Variants in TMEM259 observed in about 807,000 individuals in gnomAD.
TMEM259 encodes transmembrane protein 259.
TMEM259 carries 26 observed loss-of-function variants against 46.7 expected under a neutral mutation model. The ratio of observed to expected loss-of-function variants is 0.56; its 90% CI spans 0.41 to 0.77. TMEM259 has a LOEUF of 0.77. Among genes scored for constraint, TMEM259 ranks in the 30% least tolerant of loss-of-function variants. TMEM259 has a pLI of 0.00. For missense variants in TMEM259, 930 were observed against 900.5 expected, an observed-to-expected ratio of 1.03 and a Z score of -0.42; for synonymous variants, 494 against 395.1, an observed-to-expected ratio of 1.25 and a Z score of -2.97.
intron 1 of TMEM259, among the ~76,000 whole-genome samples, chr19:1,016,859 A>G (rs767161143): frequency 3.3e-5 from 5 of 152,158 alleles, no homozygotes; most frequent in Non-Finnish European, 5.9e-5. Context: ...CCGTCCCATG[A>G]AGACAGCGGA....
In TMEM259 at chr19:1,012,484, G is replaced by T; in HGVS notation, c.697C>A (p.Pro233Thr). The change falls in exon 4 of 11, where the codon CCC becomes ACC. Residue 233 changes from proline to threonine, a missense_variant. Physicochemically the swap from Pro to Thr is conservative, Grantham distance 38. Transcript: ENST00000356663. ...TCACCCAGGGTGACCACCATGACGG[G>T]GATGCTCAGGCGCTGGCGGGTGGCC... ...SQATRQRLSI[P>T]VMVVTLDPTR... is the part of the protein sequence containing the mutation. The T allele has an allele frequency of 6.2e-7, 1 of 1,605,980 alleles. No individual in the cohort carries two copies. Among genetic ancestry groups the T allele is most frequent in the Non-Finnish European group, 8.5e-7 (1 of 1,177,584 alleles).
chr19:1,011,218 CG>C, intron 9 of TMEM259, 23 bp from the exon 10 acceptor site: 6 of 1,562,908 alleles, frequency 3.8e-6, no homozygotes, highest in Non-Finnish European at 5.2e-6. Context: ...GTGAGGGCGT[CG>C]GGGCTGCAGG....
rs1290326713 is a variant in TMEM259 at position 1,020,775 on chromosome 19, G to C, written c.222C>G (p.Leu74=). The change falls in exon 1 of 11, where the codon CTC becomes CTG. Residue 74 remains leucine (L), a synonymous_variant. Coordinates refer to ENST00000356663, the MANE Select transcript of TMEM259 (RefSeq NM_001033026.2). This position sits in a 1 kb window ranked among gnomAD's most constrained non-coding sequence, Gnocchi z 4.0. ...FRRLFEFFVL[L]KALFVLFVLA... ...CGGGGGTCGGGGCCGCGGTCACCTT[G>C]AGCAGCACGAAGAACTCGAAGAGAC... 1.5e-6 allele frequency: 2 copies of C among 1,339,244 alleles called. No homozygotes were observed. Among genetic ancestry groups the C allele is most frequent in the Non-Finnish European group, 1.9e-6 (2 of 1,040,368 alleles). The allele number at this position is 1,339,244 out of a possible 1,614,324, so 83.0% of individuals were successfully genotyped here.
In TMEM259 at chr19:1,014,303, G is replaced by T; in HGVS notation, c.396C>A (p.Gly132=). The change falls in exon 2 of 11, where the codon GGC becomes GGA. Residue 132 remains glycine (G), a synonymous_variant. Coordinates refer to ENST00000356663, the MANE Select transcript of TMEM259 (RefSeq NM_001033026.2). ...CCAGGCCCGGGAAGCTCCCGCGGCC[G>T]CCGCTGTCACAGAACTGTAGGAAGA... ...APVFLQFCDS[G]GRGSFPGLAV... The T allele has an allele frequency of 6.2e-7, 1 of 1,613,050 alleles. No homozygotes were observed. Among genetic ancestry groups the T allele is most frequent in the Non-Finnish European group, 8.5e-7 (1 of 1,179,874 alleles).
Position 1,020,901 on chromosome 19 carries a change from G to A in TMEM259, c.96C>T (p.Leu32=), listed in dbSNP as rs1365171921. 1.6e-6 allele frequency: 2 copies of A among 1,289,316 alleles called. No homozygotes were observed. Among genetic ancestry groups the A allele is most frequent in the Non-Finnish European group, 2.0e-6 (2 of 1,016,232 alleles). 79.9% of individuals were successfully genotyped at this position (1,289,316 alleles called of 1,614,324 possible). ...GCACGTTGATGAGGGGGTTGGGGTT[G>A]AGATTGGGGGTGCGAGGCCCGCGCG... ...APARGPRTPN[L]NPNPLINVRD... Residue 32 remains leucine (L), a synonymous_variant, in exon 1 of 11, where the codon CTC becomes CTT. Transcript: ENST00000356663. The surrounding 1 kb of genome is among the most constrained non-coding windows in gnomAD (Gnocchi z 4.0).
Position 1,010,999 on chromosome 19 carries a change from G to C in TMEM259, c.1317+97C>G, listed in dbSNP as rs539453218. On this transcript the variant is annotated intron_variant, in intron 10 of 10. Coordinates refer to ENST00000356663, the MANE Select transcript of TMEM259 (RefSeq NM_001033026.2). The stretch of plus-strand genomic sequence containing the variant: ...GGGACCATCCACGCTACCTCTGCCC[G>C]CTTGGGCCGACCCCACAGGGCATCC... 5 of 1,543,008 alleles carry C rather than the reference G, an allele frequency of 3.2e-6. No individual in the cohort carries two copies. The African/African-American group carries it at 5.5e-5, about 17-fold the overall frequency.
Position 1,012,171 on chromosome 19 carries a change from A to C in TMEM259, c.736T>G (p.Cys246Gly), listed in dbSNP as rs775945585. Reference sequence around the variant, plus strand: ...AGGCGGCTGAAGCGGTCCCCGAAGCACTGGTCCCGCGTGGGGTCTGCGGGT... The same window carrying C: ...AGGCGGCTGAAGCGGTCCCCGAAGCCCTGGTCCCGCGTGGGGTCTGCGGGT... ...VVTLDPTRDQ[C>G]FGDRFSRLLL... Residue 246 changes from cysteine to glycine, a missense_variant, in exon 5 of 11, where the codon TGC (cysteine) becomes GGC (glycine). By Grantham distance (159) the Cys-to-Gly change is radical. Coordinates refer to ENST00000356663, the MANE Select transcript of TMEM259 (RefSeq NM_001033026.2). 6.2e-7 allele frequency: 1 copy of C among 1,604,432 alleles called. No homozygotes were observed. Among genetic ancestry groups the C allele is most frequent in the South Asian group, 1.1e-5 (1 of 89,758 alleles).
At position 1,010,131 on chromosome 19, in the gene TMEM259, G is replaced by A. The variant is rs1235982697; in HGVS notation, c.*219C>T. On this transcript the variant is annotated 3_prime_UTR_variant, in exon 11 of 11. Transcript: ENST00000356663. ...CGGAACCCCACCCCCTCTCCTTGCT[G>A]ACCAGCTCAAACACCTCACTAGCGG... 3.9e-6 allele frequency: 2 copies of A among 515,318 alleles called. No individual in the cohort carries two copies. Among genetic ancestry groups the A allele is most frequent in the Non-Finnish European group, 6.7e-6 (2 of 298,452 alleles). The allele number at this position is 515,318 out of a possible 1,614,324, so 31.9% of individuals were successfully genotyped here. A position where few individuals can be genotyped will look rare whatever the true frequency, so the allele number is the denominator to read the frequency against.
At chr19:1,015,704 C>T (rs1196465124) in intron 1 of TMEM259, among the ~76,000 whole-genome samples, 2 of 152,204 alleles carry the variant, frequency 1.3e-5, no homozygotes, top group Admixed American at 6.5e-5. Flanking sequence ...AGCCAGAGAG[C>T]CTGGAGCACA....
Position 1,010,255 on chromosome 19 carries a change from C to G in TMEM259, c.*95G>C. On this transcript the variant is annotated 3_prime_UTR_variant, in exon 11 of 11. Transcript: ENST00000356663. The stretch of plus-strand genomic sequence containing the variant: ...AAGCCCCCGACACAGGCTGGGCAGT[C>G]CCAGAGGAAGGAGGTGGCTGGCCTC... 8.4e-7 allele frequency: 1 copy of G among 1,195,364 alleles called. No individual in the cohort carries two copies. Among genetic ancestry groups the G allele is most frequent in the Non-Finnish European group, 1.1e-6 (1 of 901,014 alleles). 74.0% of individuals were successfully genotyped at this position (1,195,364 alleles called of 1,614,324 possible). A position where few individuals can be genotyped will look rare whatever the true frequency, so the allele number is the denominator to read the frequency against.
In TMEM259 at chr19:1,010,694, G is replaced by A; in HGVS notation, c.1519C>T (p.Pro507Ser). Residue 507 changes from proline (P) to serine (S), a missense_variant, in exon 11 of 11, where the codon CCT becomes TCT. Physicochemically the swap from Pro to Ser is moderately conservative, Grantham distance 74 (BLOSUM62 -1). Coordinates refer to ENST00000356663, the MANE Select transcript of TMEM259 (RefSeq NM_001033026.2). ...GGCCCGGGACTCCCGCTGGCCCCAGGCGAGACGGGGCCCAGGGCGGGGGGC... is the reference window on the plus strand; with the variant it reads ...GGCCCGGGACTCCCGCTGGCCCCAGACGAGACGGGGCCCAGGGCGGGGGGC... Reference protein sequence around the residue: ...GQPPALGPVSPGASGSPGPVA... With the variant: ...GQPPALGPVSSGASGSPGPVA... The A allele has an allele frequency of 3.9e-6, 6 of 1,530,140 alleles. No homozygotes were observed. Among genetic ancestry groups the A allele is most frequent in the Non-Finnish European group, 5.2e-6 (6 of 1,144,438 alleles). 94.8% of individuals were successfully genotyped at this position (1,530,140 alleles called of 1,614,324 possible). A position where few individuals can be genotyped will look rare whatever the true frequency, so the allele number is the denominator to read the frequency against.
Position 1,020,706 on chromosome 19 carries a change from A to T in TMEM259, c.225+66T>A. Reference sequence around the variant, plus strand: ...CAGCGGGGCCAGGGGTCGCGGTCGGAGGTAGCAGACTTGGGGGTCGGGACA... The same window carrying T: ...CAGCGGGGCCAGGGGTCGCGGTCGGTGGTAGCAGACTTGGGGGTCGGGACA... On this transcript the variant is annotated intron_variant, in intron 1 of 10. Coordinates refer to ENST00000356663, the MANE Select transcript of TMEM259 (RefSeq NM_001033026.2). The surrounding 1 kb of genome is among the most constrained non-coding windows in gnomAD (Gnocchi z 4.0). The T allele has an allele frequency of 8.6e-7, 1 of 1,169,100 alleles. No homozygotes were observed. The highest frequency in any genetic ancestry group is 1.1e-6 in the Non-Finnish European group (1 of 913,808). The allele number at this position is 1,169,100 out of a possible 1,614,324, so 72.4% of individuals were successfully genotyped here. A position where few individuals can be genotyped will look rare whatever the true frequency, so the allele number is the denominator to read the frequency against.
chr19:1,021,056 T>A lies in TMEM259; in HGVS notation c.-60A>T, dbSNP rs2039279352. 7.8e-7 allele frequency: 1 copy of A among 1,280,656 alleles called. No homozygotes were observed. Among genetic ancestry groups the A allele is most frequent in the African/African-American group, 1.6e-5 (1 of 63,360 alleles). The allele number at this position is 1,280,656 out of a possible 1,614,324, so 79.3% of individuals were successfully genotyped here. A position where few individuals can be genotyped will look rare whatever the true frequency, so the allele number is the denominator to read the frequency against. On this transcript the variant is annotated 5_prime_UTR_variant, in exon 1 of 11. An upstream start codon of the reference 5' UTR is lost. Coordinates refer to ENST00000356663, the MANE Select transcript of TMEM259 (RefSeq NM_001033026.2). ...GTCCGAGGGCGCCTCCCGGCCGCCA[T>A]CGGCCGCCCTCGCAGCCGCCGCTCT...
chr19:1,018,157 G>A (rs1477281156), intron 1 of TMEM259, among the ~76,000 whole-genome samples: 8 of 152,218 alleles, frequency 5.3e-5, no homozygotes, highest in Non-Finnish European at 1.2e-4. Flanking sequence ...CAGGCACCCA[G>A]TGCCCCAAGA....
intron 9 of TMEM259, 70 bp from the exon 10 acceptor site, chr19:1,011,265 C>A (rs7246234): frequency 0.026 from 39,913 of 1,540,380 alleles, 637 homozygotes; most frequent in Middle Eastern, 0.083. Context: ...GGGGTTCCCG[C>A]GTGGCGCAGC....
chr19:1,019,753 C>T (rs2039226004), intron 1 of TMEM259, among the ~76,000 whole-genome samples: 1 of 152,178 alleles, frequency 6.6e-6, no homozygotes, highest in Non-Finnish European at 1.5e-5. Context: ...AGGCTAGATC[C>T]AAAAAGCTCA....
chr19:1,009,797 A>G lies in TMEM259; in HGVS notation c.*553T>C. The G allele has an allele frequency of 2.0e-6, 1 of 501,728 alleles. No homozygotes were observed. The highest frequency in any genetic ancestry group is 4.4e-5 in the Admixed American group (1 of 22,738). 31.1% of individuals were successfully genotyped at this position (501,728 alleles called of 1,614,324 possible). On this transcript the variant is annotated 3_prime_UTR_variant, in exon 11 of 11. Coordinates refer to ENST00000356663, the MANE Select transcript of TMEM259 (RefSeq NM_001033026.2). Reference sequence around the variant, plus strand: ...CTCCATCCCCGAGTGGGACTGGACCACGGCCCTGGCTGCTGCCACTGATGT... The same window carrying G: ...CTCCATCCCCGAGTGGGACTGGACCGCGGCCCTGGCTGCTGCCACTGATGT...
rs2039237902 is a variant in TMEM259 at position 1,020,047 on chromosome 19, G to A, written c.225+725C>T. Among the ~76,000 whole-genome samples the A allele has an allele frequency of 6.6e-6, 1 of 152,116 alleles. No individual in the cohort carries two copies. Among genetic ancestry groups the A allele is most frequent in the Non-Finnish European group, 1.5e-5 (1 of 68,012 alleles). On this transcript the variant is annotated intron_variant, in intron 1 of 10. Coordinates refer to ENST00000356663, the MANE Select transcript of TMEM259 (RefSeq NM_001033026.2). This position sits in a 1 kb window ranked among gnomAD's most constrained non-coding sequence, Gnocchi z 4.0. ...GCCGGTGCCTCATAGGGGAGGCACGGGCGACAGACCCACAACCTGAGCTCC... is the reference window on the plus strand; with the variant it reads ...GCCGGTGCCTCATAGGGGAGGCACGAGCGACAGACCCACAACCTGAGCTCC...
intron 2 of TMEM259, among the ~76,000 whole-genome samples, chr19:1,013,955 C>A (rs2039022560): frequency 6.6e-6 from 1 of 152,238 alleles, no homozygotes; most frequent in African/African-American, 2.4e-5. Flanking sequence ...CAGCCCAAGT[C>A]CTCCCCGAGA....
Sources: gnomAD v4.1 joint callset for allele counts (sites outside exome capture counted in the v4.1 genomes callset) on GRCh38, gnomAD v4.1.1 for gene constraint, Gnocchi (gnomAD v3.1) non-coding constraint, MANE v1.5 for transcripts, NCBI Gene and HGNC (gene_info 2026-07-23, HGNC 2026-07-21) for gene names.